The following MMP16 variants were observed in gnomAD, a reference collection of about 807,000 sequenced individuals.
The protein encoded by MMP16 is matrix metalloproteinase-16.
Under a neutral mutation model 67.8 loss-of-function variants are expected in MMP16, and 12 were observed. The observed-to-expected ratio is 0.18, with a 90% CI of 0.11 to 0.29. The LOEUF (loss-of-function observed/expected upper bound fraction) is 0.29. Among genes scored for constraint, MMP16 ranks in the 10% least tolerant of loss-of-function variants. The probability of loss-of-function intolerance (pLI) is 1.00; values close to 1 mark genes in which losing one functional copy is unlikely to be tolerated. For synonymous variants in MMP16, 249 were observed against 255.9 expected (o/e 0.97, Z 0.26); for missense variants, 475 against 765.7 (o/e 0.62, Z 4.48).
rs150567633 is a variant in MMP16, at chr8:88,176,199, C to T, written c.405-8226G>A. The stretch of plus-strand genomic sequence containing the variant: ...AACCCAGGTTTTTCCTGCTATAAAA[C>T]AGACTCTTAACTGATGCTGTGTTTA... On this transcript the variant is annotated intron_variant, in intron 3 of 9. Coordinates refer to ENST00000286614, the MANE Select transcript of MMP16 (RefSeq NM_005941.5). Among the ~76,000 whole-genome samples, 284 of 152,288 alleles carry T rather than the reference C, an allele frequency of 1.9e-3. 1 individual carries two copies. The highest frequency in any genetic ancestry group is 6.4e-3 in the African/African-American group (268 of 41,556).
intron 1 of MMP16, among the ~76,000 whole-genome samples, chr8:88,284,936 T>C (rs1360244549): frequency 6.6e-6 from 1 of 152,030 alleles, no homozygotes; most frequent in Non-Finnish European, 1.5e-5. Flanking sequence ...AACATAAATG[T>C]AAATTCCTCA....
intron 1 of MMP16, among the ~76,000 whole-genome samples, chr8:88,251,221 C>T (rs572005067): frequency 1.3e-5 from 2 of 152,062 alleles, no homozygotes; most frequent in East Asian, 1.9e-4. Context: ...CTGGAGGCAT[C>T]ACACTACCTG....
intron 8 of MMP16, among the ~76,000 whole-genome samples, chr8:88,052,334 T>C (rs1277878291): frequency 1.3e-5 from 2 of 152,308 alleles, no homozygotes; most frequent in East Asian, 3.9e-4. Context: ...GAAGTTGCCC[T>C]GATTTATTTT....
intron 1 of MMP16, among the ~76,000 whole-genome samples, chr8:88,198,681 C>G (rs889509773): frequency 2.0e-5 from 3 of 151,830 alleles, no homozygotes; most frequent in African/African-American, 7.3e-5. Flanking sequence ...CTCAAAAGAA[C>G]AGTACCATAA....
intron 7 of MMP16, among the ~76,000 whole-genome samples, chr8:88,064,108 A>G (rs933527916): frequency 1.3e-5 from 2 of 152,094 alleles, no homozygotes; most frequent in Non-Finnish European, 2.9e-5. Flanking sequence ...ACACCTATTT[A>G]TTTACATATT....
intron 6 of MMP16, among the ~76,000 whole-genome samples, chr8:88,077,962 G>A (rs1173764876): frequency 6.6e-6 from 1 of 152,032 alleles, no homozygotes; most frequent in African/African-American, 2.4e-5. Flanking sequence ...TGTTTTAGAT[G>A]GGGAGGGAAA....
intron 9 of MMP16, among the ~76,000 whole-genome samples, chr8:88,043,160 C>A (rs1808153918): frequency 6.6e-6 from 1 of 152,092 alleles, no homozygotes; most frequent in Admixed American, 6.5e-5. Context: ...CTTTTAAGCC[C>A]ACGATATTGA....
At chr8:88,282,388 T>C (rs896729972) in intron 1 of MMP16, among the ~76,000 whole-genome samples, 13 of 152,214 alleles carry the variant, frequency 8.5e-5, no homozygotes, top group African/African-American at 3.1e-4. Flanking sequence ...CCAGTTTTTC[T>C]ATATGCATAC....
chr8:88,032,358 T>C lies in MMP16; in HGVS notation c.*9103A>G, dbSNP rs1807997321. ...ATAAGTACTTTGTGGAAAAGTTCAG[T>C]CATGTTAATGGTCTATAGCAATGAG... On this transcript the variant is annotated 3_prime_UTR_variant, in exon 10 of 10. Transcript: ENST00000286614. 6.6e-6 allele frequency: 1 copy of C among 152,124 alleles called. No homozygotes were observed. Among genetic ancestry groups the C allele is most frequent in the Admixed American group, 6.6e-5 (1 of 15,258 alleles). The allele number at this position is 152,124 out of a possible 1,614,324, so 9.4% of individuals were successfully genotyped here.
At chr8:88,207,859 C>G (rs1189258553) in intron 1 of MMP16, among the ~76,000 whole-genome samples, 1 of 152,018 alleles carries the variant, frequency 6.6e-6, no homozygotes. Flanking sequence ...AAAGCCTTGT[C>G]TATAGATTAT....
chr8:88,189,750 C>T (rs1586196962), intron 2 of MMP16, among the ~76,000 whole-genome samples: 1 of 152,142 alleles, frequency 6.6e-6, no homozygotes, highest in South Asian at 2.1e-4. Flanking sequence ...CTTTTCACTC[C>T]TTGTTCACCC....
At chr8:88,164,186 T>C (rs1808675797) in intron 4 of MMP16, among the ~76,000 whole-genome samples, 1 of 152,082 alleles carries the variant, frequency 6.6e-6, no homozygotes, top group African/African-American at 2.4e-5. Flanking sequence ...AGAGGCTCTT[T>C]CATTTGCATT....
At chr8:88,310,106 C>T (rs1811272973) in intron 1 of MMP16, among the ~76,000 whole-genome samples, 1 of 152,038 alleles carries the variant, frequency 6.6e-6, no homozygotes, top group African/African-American at 2.4e-5. Context: ...GTAATAACTA[C>T]AACTGAAGTC....
At chr8:88,082,776 A>G (rs1360001745) in intron 6 of MMP16, among the ~76,000 whole-genome samples, 1 of 151,340 alleles carries the variant, frequency 6.6e-6, no homozygotes, top group Non-Finnish European at 1.5e-5. Flanking sequence ...TGCATGTTTT[A>G]TTTTTTTTTA....
chr8:88,156,720 TAA>T (rs1438177443), intron 4 of MMP16, among the ~76,000 whole-genome samples: 3 of 152,054 alleles, frequency 2.0e-5, no homozygotes, highest in Non-Finnish European at 4.4e-5. Context: ...TTCAGAAACT[TAA>T]AGACATTGTC....
chr8:88,064,049 C>A (rs958180477), intron 7 of MMP16, among the ~76,000 whole-genome samples: 1 of 152,018 alleles, frequency 6.6e-6, no homozygotes, highest in Non-Finnish European at 1.5e-5. Context: ...GAAGGAGGAC[C>A]ACTAGCTGCC....
At chr8:88,130,894 T>C (rs1198223447) in intron 4 of MMP16, among the ~76,000 whole-genome samples, 1 of 151,758 alleles carries the variant, frequency 6.6e-6, no homozygotes, top group South Asian at 2.1e-4. Context: ...TGGAAATTTC[T>C]TCCAGCAAAC....
At position 88,039,399 on chromosome 8, in the gene MMP16, ACCACTCTCT is replaced by A. The variant is rs891397237; in HGVS notation, c.*2053_*2061del. 3.3e-5 allele frequency: 5 copies of A among 152,514 alleles called. No individual in the cohort carries two copies. The highest frequency in any genetic ancestry group is 1.2e-4 in the African/African-American group (5 of 41,436). The allele number at this position is 152,514 out of a possible 1,614,324, so 9.4% of individuals were successfully genotyped here. ...AGTGTCCATCTGCAGATCTGCCATC[ACCACTCTCT>A]CCACTCTAAGGAAACAGCTCATGCT... On this transcript the variant is annotated 3_prime_UTR_variant, in exon 10 of 10. Transcript: ENST00000286614. This position sits in a 1 kb window ranked among gnomAD's most constrained non-coding sequence, Gnocchi z 4.5.
chr8:88,317,137 T>C (rs1811386558), intron 1 of MMP16, among the ~76,000 whole-genome samples: 1 of 152,216 alleles, frequency 6.6e-6, no homozygotes. Flanking sequence ...ATAAACGTAG[T>C]TGATAAAGCA....
Sources: gnomAD v4.1 joint callset for allele counts (sites outside exome capture counted in the v4.1 genomes callset) on GRCh38, gnomAD v4.1.1 for gene constraint, Gnocchi (gnomAD v3.1) non-coding constraint, MANE v1.5 for transcripts, NCBI Gene and HGNC (gene_info 2026-07-23, HGNC 2026-07-21) for gene names.